MORN3: variants seen among roughly 807,000 people sequenced by gnomAD.
MORN3 encodes MORN repeat containing 3.
MORN3 carries 38 observed loss-of-function variants against 34.7 expected under a neutral mutation model. The ratio of observed to expected loss-of-function variants is 1.10; its 90% CI spans 0.85 to 1.44. The LOEUF (loss-of-function observed/expected upper bound fraction) is 1.44, where lower values mean the gene tolerates loss of function less well. Among genes scored for constraint, MORN3 ranks in the 40% most tolerant of loss-of-function variants. The pLI, the probability that MORN3 is intolerant of heterozygous loss-of-function variation, is 0.00. For synonymous variants in MORN3, 109 were observed against 115.3 expected, an observed-to-expected ratio of 0.95 and a Z score of 0.35; for missense variants, 311 against 321.7, an observed-to-expected ratio of 0.97 and a Z score of 0.25.
At chr12:121,665,284 T>TCC (rs1231103353) in intron 1 of MORN3, among the ~76,000 whole-genome samples, 1 of 94,492 alleles carries the variant, frequency 1.1e-5, no homozygotes, top group African/African-American at 4.6e-5. Context: ...TTTCCTTTTT[T>TCC]TTTTTTTTTT....
At chr12:121,672,309 A>T (rs1390524303), upstream of MORN3, among the ~76,000 whole-genome samples, 2 of 151,930 alleles carry the variant, frequency 1.3e-5, no homozygotes, top group Non-Finnish European at 2.9e-5. Context: ...AAAAAAAAAA[A>T]ATTAGCTGGG....
At position 121,650,055 on chromosome 12, in the gene MORN3, C is replaced by T. The variant is rs1848127917; in HGVS notation, c.*1596G>A. 1 of 151,932 alleles carries T rather than the reference C, an allele frequency of 6.6e-6. No individual in the cohort carries two copies. Among genetic ancestry groups the T allele is most frequent in the Non-Finnish European group, 1.5e-5 (1 of 68,012 alleles). 9.4% of individuals were successfully genotyped at this position (151,932 alleles called of 1,614,324 possible). A position where few individuals can be genotyped will look rare whatever the true frequency, so the allele number is the denominator to read the frequency against. On this transcript the variant is annotated 3_prime_UTR_variant, in exon 6 of 6. Coordinates refer to ENST00000355329, the MANE Select transcript of MORN3 (RefSeq NM_173855.5). ...TCCTACCCACAGTTTAAAACCACCG[C>T]CTTATCTCATCCTCACAGTAACTAA...
chr12:121,670,975 G>T (rs1444582685), upstream of MORN3, among the ~76,000 whole-genome samples: 2 of 151,300 alleles, frequency 1.3e-5, no homozygotes, highest in Non-Finnish European at 2.9e-5. Flanking sequence ...GCTGGGTGTG[G>T]TGGCGGGCGC....
At chr12:121,669,312 G>A (rs774823545) in intron 1 of MORN3, 27 bp downstream of exon 1, 15 of 1,610,610 alleles carry the variant, frequency 9.3e-6, no homozygotes, top group African/African-American at 4.0e-5. Context: ...ACCCCACTCC[G>A]GCCGCCCGTC....
chr12:121,652,675 C>T (rs1220745327), intron 5 of MORN3, 53 bp downstream of exon 5: 8 of 1,549,454 alleles, frequency 5.2e-6, no homozygotes, highest in Non-Finnish European at 7.1e-6. Context: ...TTGTTCTGGG[C>T]CCTGGAGCAG....
intron 2 of MORN3, 54 bp downstream of exon 2, chr12:121,659,137 G>GCACACACACACA (rs57639477): frequency 1.3e-4 from 189 of 1,485,404 alleles, no homozygotes; most frequent in Middle Eastern, 1.1e-3. Flanking sequence ...ACACACGCGC[G>GCACACACACACA]CACACACACA....
At chr12:121,652,670 C>G in intron 5 of MORN3, 58 bp downstream of exon 5, 2 of 1,531,204 alleles carry the variant, frequency 1.3e-6, no homozygotes, top group Non-Finnish European at 9.0e-7. Flanking sequence ...GTGCATTGTT[C>G]TGGGCCCTGG....
At chr12:121,661,128 T>A (rs1018934735) in intron 1 of MORN3, among the ~76,000 whole-genome samples, 9 of 151,978 alleles carry the variant, frequency 5.9e-5, no homozygotes, top group East Asian at 3.9e-4. Context: ...GCTAATTTTT[T>A]AAAAAAATTT....
chr12:121,657,152 T>C (rs180996150), intron 2 of MORN3, among the ~76,000 whole-genome samples: 105 of 152,324 alleles, frequency 6.9e-4, no homozygotes, highest in South Asian at 1.2e-3. Context: ...GAGAAACTTA[T>C]AGTTTATAGT....
At chr12:121,655,947 C>T (rs1009339360) in intron 2 of MORN3, among the ~76,000 whole-genome samples, 7 of 151,744 alleles carry the variant, frequency 4.6e-5, no homozygotes, top group East Asian at 1.9e-4. Flanking sequence ...AGGAGAAGGC[C>T]GTGAACCAGG....
In MORN3 at chr12:121,659,348, C is replaced by T. The variant is rs1188540740; in HGVS notation, c.146G>A (p.Gly49Glu). 3.7e-6 allele frequency: 6 copies of T among 1,613,600 alleles called. No individual in the cohort carries two copies. In the African/African-American group the frequency reaches 6.7e-5, roughly 18 times the overall value. ...VGEWKDNVKHGKGTQVWKKKG... is the reference protein window; with the variant it reads ...VGEWKDNVKHEKGTQVWKKKG... ...CTTCTTCCAGACCTGTGTTCCTTTC[C>T]CTGGTGACACACAGATGGGCAATGC... Residue 49 changes from glycine (G) to glutamate (E), a missense_variant and splice_region_variant, in exon 2 of 6, where the codon GGG becomes GAG. By Grantham distance (98) the Gly-to-Glu change is moderately conservative. Coordinates refer to ENST00000355329, the MANE Select transcript of MORN3 (RefSeq NM_173855.5).
intron 1 of MORN3, among the ~76,000 whole-genome samples, chr12:121,665,278 C>CTTTTTTTTTTTTTTTTTT (rs767525874): frequency 7.9e-5 from 4 of 50,634 alleles, no homozygotes; most frequent in Non-Finnish European, 1.4e-4. Context: ...TTTTTCTTTC[C>CTTTTTTTTTTTTTTTTTT]TTTTTTTTTT....
intron 1 of MORN3, among the ~76,000 whole-genome samples, chr12:121,668,628 T>A (rs1477865499): frequency 6.6e-6 from 1 of 152,084 alleles, no homozygotes; most frequent in Non-Finnish European, 1.5e-5. Context: ...ACAGGAGGAT[T>A]GCTTGAGCCC....
At chr12:121,667,365 T>C (rs905546645) in intron 1 of MORN3, among the ~76,000 whole-genome samples, 1 of 152,066 alleles carries the variant, frequency 6.6e-6, no homozygotes, top group Admixed American at 6.6e-5. Flanking sequence ...GCAATTCTCC[T>C]GCCTCAGCCT....
rs200057950 is a variant in MORN3, at chr12:121,653,183, G to A, written c.540C>T (p.His180=). The change falls in exon 4 of 6, where the codon CAC becomes CAT. Residue 180 remains histidine (H), a synonymous_variant. Coordinates refer to ENST00000355329, the MANE Select transcript of MORN3 (RefSeq NM_173855.5). The part of the protein sequence containing the change: ...NGAGRFFHLD[H]GQLFEGFWVD... ...CCCAGAAGCCTTCAAACAGCTGGCCGTGGTCCAGATGGAAGAAACGCCCCG... is the reference window on the plus strand; with the variant it reads ...CCCAGAAGCCTTCAAACAGCTGGCCATGGTCCAGATGGAAGAAACGCCCCG... 3.3e-5 allele frequency: 54 copies of A among 1,614,046 alleles called. No individual in the cohort carries two copies. Among genetic ancestry groups the A allele is most frequent in the South Asian group, 7.7e-5 (7 of 91,088 alleles).
intron 4 of MORN3, 26 bp downstream of exon 4, chr12:121,653,049 A>G: frequency 6.3e-7 from 1 of 1,579,372 alleles, no homozygotes; most frequent in Non-Finnish European, 8.6e-7. Context: ...GGGTGTGGCC[A>G]CAGGGCCCTG....
chr12:121,652,905 T>G, intron 4 of MORN3, 97 bp from the exon 5 acceptor site: 1 of 1,467,610 alleles, frequency 6.8e-7, no homozygotes, highest in South Asian at 1.2e-5. Flanking sequence ...GCTGCCAGCC[T>G]CATCAGGAGC....
chr12:121,665,278 C>CTTTT (rs767525874), intron 1 of MORN3, among the ~76,000 whole-genome samples: 796 of 50,714 alleles, frequency 0.016, 137 homozygotes, highest in Non-Finnish European at 0.021. Flanking sequence ...TTTTTCTTTC[C>CTTTT]TTTTTTTTTT....
chr12:121,654,332 G>A lies in MORN3; in HGVS notation c.405C>T (p.Asp135=), dbSNP rs782509989. ...CGTTCTCCCACTGTCCCTCGTAGAT[G>A]TCGCCGTTGCTGTAATACATGCGGC... ...GWGRMYYSNG[D]IYEGQWENDK... The change falls in exon 3 of 6, where the codon GAC becomes GAT. Residue 135 remains aspartate, a synonymous_variant. Coordinates refer to ENST00000355329, the MANE Select transcript of MORN3 (RefSeq NM_173855.5). 1.2e-6 allele frequency: 2 copies of A among 1,603,060 alleles called. No individual in the cohort carries two copies. Among genetic ancestry groups the A allele is most frequent in the Non-Finnish European group, 1.7e-6 (2 of 1,175,566 alleles).
Sources: gnomAD v4.1 joint callset for allele counts (sites outside exome capture counted in the v4.1 genomes callset) on GRCh38, gnomAD v4.1.1 for gene constraint, MANE v1.5 for transcripts, NCBI Gene and HGNC (gene_info 2026-07-23, HGNC 2026-07-21) for gene names.